AR: variants seen among roughly 807,000 people sequenced by gnomAD.
AR encodes the protein dihydrotestosterone receptor.
AR carries 8 observed loss-of-function variants against 53.9 expected under a neutral mutation model. The observed-to-expected ratio is 0.15, with a 90% CI of 0.09 to 0.27. The LOEUF (loss-of-function observed/expected upper bound fraction) is 0.27, where lower values mean the gene tolerates loss of function less well. Ranked by LOEUF, AR falls within the 10% of genes least tolerant of loss-of-function variation. The probability of loss-of-function intolerance (pLI) is 1.00; values close to 1 mark genes in which losing one functional copy is unlikely to be tolerated. For synonymous variants in AR, 359 were observed against 316.4 expected (o/e 1.13, Z -1.43); for missense variants, 639 against 742.5 (o/e 0.86, Z 1.62).
rs1175090769 is a variant in AR at position 67,546,482 on chromosome X, T to C, written c.1336T>C (p.Leu446=). The C allele has an allele frequency of 2.6e-6, 3 of 1,161,795 alleles. No homozygotes were observed. The highest frequency in any genetic ancestry group is 3.4e-6 in the Non-Finnish European group (3 of 872,435). The part of the protein sequence containing the change: ...HTLFTAEEGQ[L]YGPCGGGGGG... ...TCTCTTCACAGCCGAAGAAGGCCAGTTGTATGGACCGTGTGGTGGTGGTGG... is the reference window on the plus strand; with the variant it reads ...TCTCTTCACAGCCGAAGAAGGCCAGCTGTATGGACCGTGTGGTGGTGGTGG... Residue 446 remains leucine, a synonymous_variant, in exon 1 of 8, where the codon TTG becomes CTG. Coordinates refer to ENST00000374690, the MANE Select transcript of AR (RefSeq NM_000044.6).
At chrX:67,694,905 C>T in intron 3 of AR, 1 of 1,051,445 alleles carries the variant, frequency 9.5e-7, no homozygotes, top group Non-Finnish European at 1.2e-6. Context: ...ATAGTGTTTT[C>T]CTACCTCACA....
At chrX:67,581,200 A>T (rs1185616509) in intron 1 of AR, among the ~76,000 whole-genome samples, 2 of 111,186 alleles carry the variant, frequency 1.8e-5, no homozygotes, top group Non-Finnish European at 3.8e-5. Context: ...TTTTAGGATT[A>T]GCATGGCCCC....
At chrX:67,663,169 G>A (rs1927039669) in intron 2 of AR, among the ~76,000 whole-genome samples, 2 of 111,585 alleles carry the variant, frequency 1.8e-5, no homozygotes, top group Non-Finnish European at 1.9e-5. Flanking sequence ...CTGTCATTAT[G>A]ATGTTAGCTG....
At chrX:67,658,264 G>A (rs1264990874) in intron 2 of AR, among the ~76,000 whole-genome samples, 1 of 111,971 alleles carries the variant, frequency 8.9e-6, no homozygotes, top group Non-Finnish European at 1.9e-5. Context: ...CTTAGATACA[G>A]CATGAAAGCT....
intron 1 of AR, chrX:67,569,067 T>C (rs1178042962): frequency 1.7e-6 from 2 of 1,178,432 alleles, no homozygotes; most frequent in African/African-American, 3.5e-5. Flanking sequence ...GTTTCTAGGG[T>C]AGTGAGTGTT....
At chrX:67,687,764 C>T (rs922337401) in intron 3 of AR, among the ~76,000 whole-genome samples, 3 of 112,234 alleles carry the variant, frequency 2.7e-5, no homozygotes, top group Non-Finnish European at 5.6e-5. Flanking sequence ...AAGTAGGGAA[C>T]CTCTTGGCTT....
At chrX:67,554,419 G>A (rs751466164) in intron 1 of AR, among the ~76,000 whole-genome samples, 36 of 111,560 alleles carry the variant, frequency 3.2e-4, no homozygotes, top group Non-Finnish European at 4.5e-4. Context: ...TATAATTTAA[G>A]CTTCTTTTTA....
intron 1 of AR, among the ~76,000 whole-genome samples, chrX:67,595,392 C>T (rs1923031756): frequency 9.1e-6 from 1 of 109,658 alleles, no homozygotes; most frequent in East Asian, 2.9e-4. Flanking sequence ...AAAGATTATG[C>T]GACTGTATTA....
intron 2 of AR, among the ~76,000 whole-genome samples, chrX:67,657,427 C>A (rs113755976): frequency 1.4e-3 from 152 of 111,302 alleles, no homozygotes; most frequent in African/African-American, 4.6e-3. Context: ...AGGTACCCCG[C>A]CCTCTCCTGT....
At chrX:67,592,787 G>T (rs138023330) in intron 1 of AR, among the ~76,000 whole-genome samples, 1 of 110,319 alleles carries the variant, frequency 9.1e-6, no homozygotes, top group African/African-American at 3.3e-5. Flanking sequence ...TAAAAGGAAC[G>T]GTTAGATACC....
rs775392428 is a variant in AR at position 67,545,771 on chromosome X, G to T, written c.625G>T (p.Gly209Trp). The change falls in exon 1 of 8, where the codon GGG (glycine) becomes TGG (tryptophan). Residue 209 changes from glycine to tryptophan, a missense_variant. Around this residue, in one of 5 missense-constraint regions of AR, gnomAD observed 423 missense variants for 377.0 expected, o/e 1.12. Coordinates refer to ENST00000374690, the MANE Select transcript of AR (RefSeq NM_000044.6). ...AGCAGTATCCGAAGGCAGCAGCAGC[G>T]GGAGAGCGAGGGAGGCCTCGGGGGC... ...QEAVSEGSSSGRAREASGAPT... is the reference protein window; with the variant it reads ...QEAVSEGSSSWRAREASGAPT... 8.3e-7 allele frequency: 1 copy of T among 1,211,728 alleles called. No individual in the cohort carries two copies. The highest frequency in any genetic ancestry group is 1.1e-6 in the Non-Finnish European group (1 of 895,372).
intron 3 of AR, chrX:67,695,638 A>G (rs1476414459): frequency 1.3e-6 from 1 of 750,755 alleles, no homozygotes; most frequent in African/African-American, 2.3e-5. Flanking sequence ...CTAGTGGAGA[A>G]GTGGAGTCTG....
chrX:67,710,984 C>A (rs1173763590), intron 3 of AR, among the ~76,000 whole-genome samples: 1 of 112,203 alleles, frequency 8.9e-6, no homozygotes, highest in African/African-American at 3.2e-5. Flanking sequence ...CCAGACTGGG[C>A]CAGGGCCTGT....
chrX:67,671,932 C>A (rs1034119269), intron 2 of AR, among the ~76,000 whole-genome samples: 1 of 111,148 alleles, frequency 9.0e-6, no homozygotes, highest in African/African-American at 3.3e-5. Flanking sequence ...ATTTCTGAGG[C>A]CTCTGCTCTG....
intron 2 of AR, among the ~76,000 whole-genome samples, chrX:67,672,069 C>T (rs2075868746): frequency 9.0e-6 from 1 of 111,273 alleles, no homozygotes. Context: ...CAGCTTTTGC[C>T]TATTCAGTAT....
intron 1 of AR, among the ~76,000 whole-genome samples, chrX:67,570,366 C>T (rs756028557): frequency 1.2e-4 from 13 of 112,269 alleles, no homozygotes; most frequent in Admixed American, 8.5e-4. Context: ...ACTCACGTTT[C>T]GTTTTTTTAC....
At chrX:67,663,185 T>A (rs1049352421) in intron 2 of AR, among the ~76,000 whole-genome samples, 3 of 111,678 alleles carry the variant, frequency 2.7e-5, no homozygotes, top group South Asian at 3.8e-4. Context: ...AGCTGGTTAT[T>A]TTGCTCGTTA....
chrX:67,574,557 A>C (rs991842510), intron 1 of AR, among the ~76,000 whole-genome samples: 1 of 111,257 alleles, frequency 9.0e-6, no homozygotes, highest in East Asian at 2.8e-4. Flanking sequence ...ATCTGACTTT[A>C]TGGCCTCTCA....
intron 2 of AR, among the ~76,000 whole-genome samples, chrX:67,659,344 T>A (rs1325108724): frequency 9.0e-6 from 1 of 110,682 alleles, no homozygotes; most frequent in African/African-American, 3.3e-5. Context: ...ATTAGGTATA[T>A]CTCCTAATGC....
Sources: allele counts gnomAD v4.1 joint callset (sites outside exome capture counted in the v4.1 genomes callset), GRCh38; gene constraint gnomAD v4.1.1; regional missense constraint gnomAD v4.1.1; transcripts MANE v1.5; gene names NCBI Gene and HGNC (gene_info 2026-07-23, HGNC 2026-07-21).